MYO18B: variants seen among roughly 807,000 people sequenced by gnomAD.
The protein encoded by MYO18B is myosin XVIIIB, also known as unconventional myosin-XVIIIb.
In MYO18B, 204 loss-of-function variants were observed where a neutral mutation model predicts 273.0. The ratio of observed to expected loss-of-function variants is 0.75; its 90% confidence interval spans 0.67 to 0.84. The LOEUF (loss-of-function observed/expected upper bound fraction) is 0.84, where lower values mean the gene tolerates loss of function less well. Ranked by LOEUF, MYO18B falls within the 40% of genes least tolerant of loss-of-function variation. MYO18B has a pLI of 0.00. For missense variants in MYO18B, 3,212 were observed against 3,287.6 expected (o/e 0.98, Z 0.56); for synonymous variants, 1,330 against 1,305.7 (o/e 1.02, Z -0.40).
intron 1 of MYO18B, among the ~76,000 whole-genome samples, chr22:25,757,466 A>G (rs531189165): frequency 2.6e-5 from 4 of 152,122 alleles, no homozygotes; most frequent in African/African-American, 9.6e-5. Context: ...ACGTGCCTGT[A>G]GTCCCAGCTA....
intron 42 of MYO18B, among the ~76,000 whole-genome samples, chr22:26,023,846 T>C (rs1380125538): frequency 6.6e-6 from 1 of 152,232 alleles, no homozygotes; most frequent in Non-Finnish European, 1.5e-5. Flanking sequence ...TACAGGCGTG[T>C]GAATGCCATC....
intron 32 of MYO18B, among the ~76,000 whole-genome samples, chr22:25,910,698 A>G (rs1365386911): frequency 1.3e-5 from 2 of 151,796 alleles, no homozygotes; most frequent in East Asian, 3.9e-4. Flanking sequence ...GACCTGGGGG[A>G]GGGGGTTTCA....
intron 34 of MYO18B, among the ~76,000 whole-genome samples, chr22:25,942,484 C>T (rs1373978854): frequency 6.6e-6 from 1 of 152,214 alleles, no homozygotes; most frequent in Admixed American, 6.5e-5. Flanking sequence ...TCCATTCCGT[C>T]TGTGTGGTCA....
intron 18 of MYO18B, among the ~76,000 whole-genome samples, 174 bp from the exon 19 acceptor site, chr22:25,845,926 C>T (rs953333387): frequency 6.6e-6 from 1 of 152,232 alleles, no homozygotes. Context: ...AAAGCCTCAC[C>T]TGGCAGGAGG....
intron 1 of MYO18B, among the ~76,000 whole-genome samples, chr22:25,760,434 A>AAAAAAAAAAAC (rs59165419): frequency 9.9e-5 from 11 of 111,546 alleles, no homozygotes; most frequent in East Asian, 6.6e-4. Context: ...AAAAAAAAAA[A>AAAAAAAAAAAC]CACAAAAACA....
At chr22:25,873,534 G>A (rs1024689513) in intron 22 of MYO18B, among the ~76,000 whole-genome samples, 6 of 152,142 alleles carry the variant, frequency 3.9e-5, no homozygotes, top group African/African-American at 1.2e-4. Flanking sequence ...TCTGCCTCCC[G>A]GGTTCAAGCG....
intron 41 of MYO18B, 65 bp from the exon 42 acceptor site, chr22:26,004,653 A>G: frequency 6.3e-7 from 1 of 1,584,460 alleles, no homozygotes; most frequent in Non-Finnish European, 8.6e-7. Flanking sequence ...CTATGGGTGA[A>G]TATCTAATTA....
intron 39 of MYO18B, among the ~76,000 whole-genome samples, chr22:25,990,131 C>CCT (rs755493967): frequency 6.6e-6 from 1 of 151,748 alleles, no homozygotes; most frequent in Non-Finnish European, 1.5e-5. Flanking sequence ...TTGCCTGCTG[C>CCT]CTCTCTCTCT....
At chr22:26,062,070 G>A in the MYO18B span, among the ~76,000 whole-genome samples, 6 of 152,246 alleles carry the variant, frequency 3.9e-5, no homozygotes, top group South Asian at 4.2e-4. Context: ...CATCTCATGG[G>A]GCTTAGGATC....
intron 21 of MYO18B, among the ~76,000 whole-genome samples, chr22:25,861,998 A>G (rs1412004449): frequency 3.3e-5 from 5 of 152,056 alleles, no homozygotes; most frequent in African/African-American, 7.2e-5. Context: ...AAATATTTGG[A>G]AAAAAAAGGA....
intron 11 of MYO18B, among the ~76,000 whole-genome samples, chr22:25,786,301 A>C (rs113423225): frequency 7.2e-5 from 11 of 152,186 alleles, no homozygotes; most frequent in Admixed American, 4.6e-4. Flanking sequence ...GGGCACCACA[A>C]GATAGCTGAT....
In MYO18B at chr22:25,818,915, G is replaced by A. The variant is rs544198839; in HGVS notation, c.2522-4590G>A. Reference sequence around the variant, plus strand: ...AGACAAACTGAGTCTCAAAAAGGCCGTGTACCTGGCTTTGTGCGACAAACT... The same window carrying A: ...AGACAAACTGAGTCTCAAAAAGGCCATGTACCTGGCTTTGTGCGACAAACT... On this transcript the variant is annotated intron_variant, in intron 12 of 43. Coordinates refer to ENST00000335473, the MANE Select transcript of MYO18B (RefSeq NM_032608.7). 6.3e-4 allele frequency among the ~76,000 whole-genome samples: 96 copies of A among 152,192 alleles called. No individual in the cohort carries two copies. In the Middle Eastern group the frequency reaches 0.02, roughly 32 times the overall value.
At chr22:25,843,497 C>T (rs966111281) in intron 17 of MYO18B, among the ~76,000 whole-genome samples, 5 of 152,134 alleles carry the variant, frequency 3.3e-5, no homozygotes, top group African/African-American at 7.2e-5. Context: ...ATCGAGTGTA[C>T]GGATGATGTT....
intron 21 of MYO18B, among the ~76,000 whole-genome samples, chr22:25,852,238 G>A (rs1266815819): frequency 3.3e-5 from 5 of 152,168 alleles, no homozygotes; most frequent in African/African-American, 7.2e-5. Flanking sequence ...GAATCTTTGC[G>A]TGGCTGGTGT....
intron 21 of MYO18B, among the ~76,000 whole-genome samples, chr22:25,852,395 T>TAATGAATGAATG (rs3079384): frequency 5.7e-4 from 86 of 150,754 alleles, no homozygotes; most frequent in African/African-American, 1.5e-3. Context: ...TTTGTTGAGT[T>TAATGAATGAATG]AATGAATGAA....
At chr22:25,802,063 C>T (rs1010328819) in intron 12 of MYO18B, among the ~76,000 whole-genome samples, 2 of 152,222 alleles carry the variant, frequency 1.3e-5, no homozygotes, top group African/African-American at 4.8e-5. Context: ...TTCAATCCTA[C>T]AAGACTGTCT....
intron 17 of MYO18B, among the ~76,000 whole-genome samples, chr22:25,841,216 G>C (rs2090072372): frequency 1.3e-5 from 2 of 152,140 alleles, no homozygotes; most frequent in African/African-American, 2.4e-5. Flanking sequence ...AGGCTGAGGG[G>C]GCCCTCTCTG....
intron 33 of MYO18B, among the ~76,000 whole-genome samples, chr22:25,920,105 T>C (rs2092320339): frequency 6.6e-6 from 1 of 152,140 alleles, no homozygotes; most frequent in Non-Finnish European, 1.5e-5. Context: ...ACCCCATGTT[T>C]TTTCTAGAAT....
intron 40 of MYO18B, among the ~76,000 whole-genome samples, chr22:25,995,284 TGGG>T (rs1422572170): frequency 6.6e-6 from 1 of 152,186 alleles, no homozygotes; most frequent in African/African-American, 2.4e-5. Context: ...GGATGGCTAA[TGGG>T]TACAAAAATG....
Sources: gnomAD v4.1 joint callset for allele counts (sites outside exome capture counted in the v4.1 genomes callset) on GRCh38, gnomAD v4.1.1 for gene constraint, MANE v1.5 for transcripts, NCBI Gene and HGNC (gene_info 2026-07-23, HGNC 2026-07-21) for gene names.